The following HUWE1 variants were observed in gnomAD, a reference collection of about 807,000 sequenced individuals.
HUWE1 encodes the protein HECT, UBA and WWE domain containing E3 ubiquitin protein ligase 1.
In HUWE1, 18 loss-of-function variants were observed where a neutral mutation model predicts 299.4. That is an observed-to-expected ratio of 0.06 (90% CI 0.04 to 0.09). The LOEUF (loss-of-function observed/expected upper bound fraction) is 0.09. Among genes scored for constraint, HUWE1 ranks in the 10% least tolerant of loss-of-function variants. The pLI is 1.00. For missense variants in HUWE1, 1,832 were observed against 3,462.3 expected (o/e 0.53, Z 11.82); for synonymous variants, 1,317 against 1,286.1 (o/e 1.02, Z -0.51).
At chrX:53,637,771 CAGAT>C (rs1485433941) in intron 7 of HUWE1, among the ~76,000 whole-genome samples, 1 of 111,774 alleles carries the variant, frequency 8.9e-6, no homozygotes, top group African/African-American at 3.3e-5. Flanking sequence ...AAATATTCAT[CAGAT>C]AAAGACTAAG....
Position 53,592,395 on chromosome X carries a change from T to C in HUWE1, c.3972+3A>G. ...ACCCTGGAGTGTGAGGCCAGTACCC[T>C]ACCTGTTGCAGTTGTTGCTGGTTGA... is the stretch of plus-strand genomic sequence containing the variant. On this transcript the variant is annotated splice_donor_region_variant and intron_variant, in intron 33 of 83. Transcript: ENST00000262854. The C allele has an allele frequency of 1.7e-6, 2 of 1,191,588 alleles. No individual in the cohort carries two copies. Among genetic ancestry groups the C allele is most frequent in the Non-Finnish European group, 2.3e-6 (2 of 878,140 alleles).
Position 53,559,218 on chromosome X carries a change from A to G in HUWE1, c.7915+136T>C, listed in dbSNP as rs2062172733. The stretch of plus-strand genomic sequence containing the variant: ...AGAGACAATAAAGTTTTTGTTGCCC[A>G]TGGCTAAGTCACTGAGTGGTTCTGG... On this transcript the variant is annotated intron_variant, in intron 57 of 83. Transcript: ENST00000262854. The G allele has an allele frequency of 6.2e-6, 5 of 812,018 alleles. No individual in the cohort carries two copies. The South Asian group carries it at 6.5e-5, about 11-fold the overall frequency. 66.9% of individuals were successfully genotyped at this position (812,018 alleles called of 1,213,427 possible).
chrX:53,677,541 T>C (rs1269491291), intron 3 of HUWE1, among the ~76,000 whole-genome samples: 53 of 105,838 alleles, frequency 5.0e-4, no homozygotes, highest in African/African-American at 1.8e-3. Context: ...GAAAGGTCTT[T>C]CCACCTGTAA....
At chrX:53,645,733 AAAAATATATAT>A (rs1229690233) in intron 6 of HUWE1, among the ~76,000 whole-genome samples, 147 of 19,396 alleles carry the variant, frequency 7.6e-3, no homozygotes, top group South Asian at 0.03. Flanking sequence ...AAAAAAAAAA[AAAAATATATAT>A]ATATATATAT....
intron 7 of HUWE1, among the ~76,000 whole-genome samples, chrX:53,640,412 T>C (rs781928983): frequency 8.9e-6 from 1 of 112,171 alleles, no homozygotes; most frequent in Non-Finnish European, 1.9e-5. Context: ...GTCAAGTTTT[T>C]AGAGAAATTT....
rs782796550 is a variant in HUWE1, at chrX:53,611,751, A to G, written c.2261+2783T>C. ...CACGTGTCTGTAATCCCAGCTACTC[A>G]GGAGGCTAAGGACCGAGAACTGCTT... is the stretch of plus-strand genomic sequence containing the variant. On this transcript the variant is annotated intron_variant, in intron 23 of 83. Coordinates refer to ENST00000262854, the MANE Select transcript of HUWE1 (RefSeq NM_031407.7). Among the ~76,000 whole-genome samples the G allele has an allele frequency of 3.9e-3, 425 of 109,486 alleles. 1 individual carries two copies. The highest frequency in any genetic ancestry group is 0.014 in the African/African-American group (413 of 30,078).
chrX:53,592,298 T>G, intron 33 of HUWE1, 100 bp downstream of exon 33: 1 of 609,435 alleles, frequency 1.6e-6, no homozygotes, highest in Non-Finnish European at 2.8e-6. Flanking sequence ...CTGGTTAATG[T>G]GACCAGGGAC....
chrX:53,535,687 G>C (rs2061010827), intron 80 of HUWE1, among the ~76,000 whole-genome samples, 186 bp from the exon 81 acceptor site: 1 of 111,610 alleles, frequency 9.0e-6, no homozygotes, highest in Non-Finnish European at 1.9e-5. Context: ...GCTTTGGGTA[G>C]GAAAGAGGAA....
intron 73 of HUWE1, among the ~76,000 whole-genome samples, chrX:53,543,259 A>G (rs2061424636): frequency 9.0e-6 from 1 of 111,066 alleles, no homozygotes; most frequent in African/African-American, 3.3e-5. Flanking sequence ...GGAGTGCCAC[A>G]GCATACACAT....
chrX:53,565,128 G>A lies in HUWE1; in HGVS notation c.6819C>T (p.Asn2273=). The A allele has an allele frequency of 8.3e-7, 1 of 1,211,619 alleles. No homozygotes were observed. Among genetic ancestry groups the A allele is most frequent in the Non-Finnish European group, 1.1e-6 (1 of 895,323 alleles). The change falls in exon 50 of 84, where the codon AAC becomes AAT. Residue 2273 remains asparagine, a synonymous_variant. Coordinates refer to ENST00000262854, the MANE Select transcript of HUWE1 (RefSeq NM_031407.7). ...LFGSKSASSK[N]KSEQDAQGAS... ...CTCCTTGGGCATCCTGCTCAGACTT[G>A]TTCTTGCTAGAAGCACTCTTGCTGC...
intron 56 of HUWE1, 42 bp from the exon 57 acceptor site, chrX:53,559,574 G>A (rs782406548): frequency 9.0e-7 from 1 of 1,107,913 alleles, no homozygotes; most frequent in South Asian, 1.9e-5. Flanking sequence ...GTTAAGTCCA[G>A]AGGTGCCCTG....
chrX:53,686,517 T>A (rs2070431771), intron 1 of HUWE1, 71 bp downstream of exon 1: 1 of 112,802 alleles, frequency 8.9e-6, no homozygotes. Context: ...ACCTCGCCAC[T>A]GCCACCCGCG....
At chrX:53,625,108 T>C (rs1557015891) in intron 18 of HUWE1, 49 bp downstream of exon 18, 1 of 817,575 alleles carries the variant, frequency 1.2e-6, no homozygotes, top group South Asian at 2.0e-5. Context: ...AGAACCAATC[T>C]TTGAGAGAGT....
At chrX:53,539,385 TCA>T (rs782770120) in intron 75 of HUWE1, among the ~76,000 whole-genome samples, 1 of 101,308 alleles carries the variant, frequency 9.9e-6, no homozygotes, top group South Asian at 4.6e-4. Flanking sequence ...TAGAATCAAG[TCA>T]CAGAGGAACT....
rs782498106 is a variant in HUWE1, at chrX:53,654,051, T to A, written c.45+12A>T. ...AAGAAAAAATAAGCAAAGTAAACTTTTGGATACTTACAGCCTCAGTAGGTG... is the reference window on the plus strand; with the variant it reads ...AAGAAAAAATAAGCAAAGTAAACTTATGGATACTTACAGCCTCAGTAGGTG... On this transcript the variant is annotated intron_variant, in intron 4 of 83. Coordinates refer to ENST00000262854, the MANE Select transcript of HUWE1 (RefSeq NM_031407.7). 4 of 1,153,296 alleles carry A rather than the reference T, an allele frequency of 3.5e-6. No homozygotes were observed. The Admixed American group carries it at 8.8e-5, about 25-fold the overall frequency.
chrX:53,563,827 G>C lies in HUWE1; in HGVS notation c.7030-6C>G. The stretch of plus-strand genomic sequence containing the variant: ...TCCTCCAGCTCATTCTCAACCTGGA[G>C]AGAAATAGAACATATATATGGATGC... On this transcript the variant is annotated splice_polypyrimidine_tract_variant and splice_region_variant and intron_variant, in intron 51 of 83. Transcript: ENST00000262854. 8.3e-7 allele frequency: 1 copy of C among 1,208,561 alleles called. No homozygotes were observed. Among genetic ancestry groups the C allele is most frequent in the Non-Finnish European group, 1.1e-6 (1 of 893,738 alleles).
intron 44 of HUWE1, 80 bp downstream of exon 44, chrX:53,576,820 G>A: frequency 3.9e-6 from 4 of 1,024,119 alleles, no homozygotes; most frequent in South Asian, 3.8e-5. Context: ...TGCTCACTAA[G>A]CCATGAGTTG....
intron 24 of HUWE1, among the ~76,000 whole-genome samples, chrX:53,608,197 G>A (rs782383815): frequency 1.8e-5 from 2 of 111,843 alleles, no homozygotes; most frequent in East Asian, 2.8e-4. Flanking sequence ...AAACACACAG[G>A]CACAAGACAA....
At chrX:53,543,616 G>T in intron 73 of HUWE1, 1 of 465,524 alleles carries the variant, frequency 2.1e-6, no homozygotes, top group Non-Finnish European at 3.6e-6. Flanking sequence ...TGACTGGATA[G>T]CTGGGAGTGG....
Sources: gnomAD v4.1 joint callset for allele counts (sites outside exome capture counted in the v4.1 genomes callset) on GRCh38, gnomAD v4.1.1 for gene constraint, MANE v1.5 for transcripts, NCBI Gene and HGNC (gene_info 2026-07-23, HGNC 2026-07-21) for gene names.